Variants in TMEM59 observed in about 807,000 individuals in gnomAD.
The protein encoded by TMEM59 is transmembrane protein 59, also known as dendritic cell factor 1.
Under a neutral mutation model 42.2 loss-of-function variants are expected in TMEM59, and 44 were observed. The observed-to-expected ratio is 1.04, with a 90% confidence interval of 0.82 to 1.34. The LOEUF is 1.34. Among genes scored for constraint, TMEM59 ranks in the 40% most tolerant of loss-of-function variants. The pLI is 0.00. For synonymous variants in TMEM59, 148 were observed against 145.8 expected, an observed-to-expected ratio of 1.02 and a Z score of -0.11; for missense variants, 359 against 382.8, an observed-to-expected ratio of 0.94 and a Z score of 0.52.
In TMEM59 at chr1:54,032,101, G is replaced by A; in HGVS notation, c.*49C>T. ...GAAACCATTTTAAAAGCTCTATGAGGAGTGGAATTTTAGATGTCTATTACA... is the reference window on the plus strand; with the variant it reads ...GAAACCATTTTAAAAGCTCTATGAGAAGTGGAATTTTAGATGTCTATTACA... On this transcript the variant is annotated 3_prime_UTR_variant, in exon 8 of 8. Transcript: ENST00000234831. 1 of 1,527,186 alleles carries A rather than the reference G, an allele frequency of 6.5e-7. No homozygotes were observed. Among genetic ancestry groups the A allele is most frequent in the South Asian group, 1.3e-5 (1 of 78,428 alleles). The allele number at this position is 1,527,186 out of a possible 1,614,324, so 94.6% of individuals were successfully genotyped here.
chr1:54,053,429 A>AGCGGGGCCTCCTGACTTCTTCCCTTC (rs1657658573), upstream of TMEM59: 5 of 540,958 alleles, frequency 9.2e-6, no homozygotes, highest in African/African-American at 3.8e-5. Flanking sequence ...GTTAGCGCGA[A>AGCGGGGCCTCCTGACTTCTTCCCTTC]GCGGGGCCTC....
At position 54,030,467 on chromosome 1, in the gene TMEM59, T is replaced by G. The variant is rs1656731293; in HGVS notation, c.*1683A>C. 6.6e-6 allele frequency: 1 copy of G among 152,182 alleles called. No individual in the cohort carries two copies. The highest frequency in any genetic ancestry group is 2.4e-5 in the African/African-American group (1 of 41,442). The allele number at this position is 152,182 out of a possible 1,614,324, so 9.4% of individuals were successfully genotyped here. ...TATATAGTCCCCATGTTTGTTTGTA[T>G]TTTTTTGTACAGAGAGGGTCTTGCT... On this transcript the variant is annotated 3_prime_UTR_variant, in exon 8 of 8. Coordinates refer to ENST00000234831, the MANE Select transcript of TMEM59 (RefSeq NM_004872.5).
In TMEM59 at chr1:54,047,268, A is replaced by G. The variant is rs749669588; in HGVS notation, c.294T>C (p.Ser98=). The G allele has an allele frequency of 1.2e-6, 2 of 1,612,004 alleles. No individual in the cohort carries two copies. The highest frequency in any genetic ancestry group is 3.4e-5 in the Admixed American group (2 of 59,416). ...DLNRTKLECE[S]ACTEAYSQSD... is the part of the protein sequence containing the mutation. ...GATGTCGTTAGCATAGCATCTTACCAGATTCACATTCCAATTTAGTTCGAT... is the reference window on the plus strand; with the variant it reads ...GATGTCGTTAGCATAGCATCTTACCGGATTCACATTCCAATTTAGTTCGAT... The change falls in exon 2 of 8, where the codon TCT becomes TCC. Residue 98 remains serine, a splice_region_variant and synonymous_variant. Coordinates refer to ENST00000234831, the MANE Select transcript of TMEM59 (RefSeq NM_004872.5).
chr1:54,053,548 C>T, upstream of TMEM59: 1 of 238,432 alleles, frequency 4.2e-6, no homozygotes, highest in Non-Finnish European at 8.3e-6. Context: ...CCGCCCTCAG[C>T]GCGCCTTCCG....
rs1175248513 is a variant in TMEM59, at chr1:54,028,411, C to G, written c.*3739G>C. 1 of 152,240 alleles carries G rather than the reference C, an allele frequency of 6.6e-6. No homozygotes were observed. The highest frequency in any genetic ancestry group is 2.4e-5 in the African/African-American group (1 of 41,442). 9.4% of individuals were successfully genotyped at this position (152,240 alleles called of 1,614,324 possible). On this transcript the variant is annotated 3_prime_UTR_variant, in exon 8 of 8. Coordinates refer to ENST00000234831, the MANE Select transcript of TMEM59 (RefSeq NM_004872.5). Reference sequence around the variant, plus strand: ...CACATTGCTGTCCGAGTGAATCATTCCAACACTGTATGGCACTCTCTTGCT... The same window carrying G: ...CACATTGCTGTCCGAGTGAATCATTGCAACACTGTATGGCACTCTCTTGCT...
At position 54,043,430 on chromosome 1, in the gene TMEM59, T is replaced by A; in HGVS notation, c.486A>T (p.Ile162=). 6.3e-7 allele frequency: 1 copy of A among 1,584,336 alleles called. No individual in the cohort carries two copies. The highest frequency in any genetic ancestry group is 8.6e-7 in the Non-Finnish European group (1 of 1,165,742). The part of the protein sequence containing the change: ...SDMMDSAQSF[I]TSSWTFYLQA... ...GAAGATAAAAAGTCCATGAAGAGGTTATGAAGCTCTGTGCGGAGTCCATCA... is the reference window on the plus strand; with the variant it reads ...GAAGATAAAAAGTCCATGAAGAGGTAATGAAGCTCTGTGCGGAGTCCATCA... Residue 162 remains isoleucine, a synonymous_variant, in exon 4 of 8, where the codon ATA becomes ATT. Transcript: ENST00000234831.
chr1:54,053,073 T>C lies in TMEM59; in HGVS notation c.116A>G (p.Asp39Gly), dbSNP rs759755997. ...AGACGCCGTATCACCCAAGACCGAG[T>C]CAAATGCTTCAGCCGAAGCGGTCCC... is the stretch of plus-strand genomic sequence containing the variant. ...GSGTASAEAF[D>G]SVLGDTASCH... The change falls in exon 1 of 8, where the codon GAC (aspartate) becomes GGC (glycine). Residue 39 changes from aspartate (D) to glycine (G), a missense_variant. By Grantham distance (94) the Asp-to-Gly change is moderately conservative. Coordinates refer to ENST00000234831, the MANE Select transcript of TMEM59 (RefSeq NM_004872.5). The C allele has an allele frequency of 1.9e-6, 3 of 1,613,930 alleles. No individual in the cohort carries two copies. The highest frequency in any genetic ancestry group is 2.5e-6 in the Non-Finnish European group (3 of 1,179,988).
chr1:54,041,096 G>A (rs1018328260), intron 5 of TMEM59, among the ~76,000 whole-genome samples: 42 of 152,034 alleles, frequency 2.8e-4, no homozygotes, highest in African/African-American at 2.4e-5. Context: ...GCTTGGATTT[G>A]GTTTATTCTA....
chr1:54,032,924 CT>C (rs746149150), intron 7 of TMEM59, among the ~76,000 whole-genome samples: 401 of 138,002 alleles, frequency 2.9e-3, no homozygotes, highest in Middle Eastern at 3.7e-3. Context: ...GTCTCTGTCT[CT>C]TTTTTTTTTT....
In TMEM59 at chr1:54,029,532, T is replaced by A. The variant is rs925713273; in HGVS notation, c.*2618A>T. The A allele has an allele frequency of 4.6e-5, 7 of 152,182 alleles. No individual in the cohort carries two copies. Among genetic ancestry groups the A allele is most frequent in the Non-Finnish European group, 1.0e-4 (7 of 68,038 alleles). The allele number at this position is 152,182 out of a possible 1,614,324, so 9.4% of individuals were successfully genotyped here. ...TGTTTTATGGAAACAAGGAGCTAAG[T>A]AAAGTTAGGCACATCCAAGAAGGGC... On this transcript the variant is annotated 3_prime_UTR_variant, in exon 8 of 8. Coordinates refer to ENST00000234831, the MANE Select transcript of TMEM59 (RefSeq NM_004872.5).
chr1:54,046,012 C>A (rs916943072), intron 2 of TMEM59, among the ~76,000 whole-genome samples: 25 of 152,152 alleles, frequency 1.6e-4, no homozygotes, highest in Admixed American at 1.5e-3. Context: ...TAATTATACA[C>A]CCAGGCTCTG....
At chr1:54,043,351 A>G in intron 4 of TMEM59, 22 bp downstream of exon 4, 2 of 1,514,178 alleles carry the variant, frequency 1.3e-6, no homozygotes, top group African/African-American at 2.8e-5. Flanking sequence ...ATTTAGATGA[A>G]TCCATGAAGC....
In TMEM59 at chr1:54,027,770, CAA is replaced by C. The variant is rs113234374; in HGVS notation, c.*4378_*4379del. 3.8e-5 allele frequency: 5 copies of C among 129,926 alleles called. No homozygotes were observed. Among genetic ancestry groups the C allele is most frequent in the Non-Finnish European group, 5.1e-5 (3 of 58,942 alleles). The allele number at this position is 129,926 out of a possible 1,614,324, so 8.0% of individuals were successfully genotyped here. On this transcript the variant is annotated 3_prime_UTR_variant, in exon 8 of 8. Transcript: ENST00000234831. ...TGAGTAACAGTGTGAGACTCTGTCT[CAA>C]AAAAAAAAAAAGTGAAATATATGAA...
chr1:54,036,593 G>T lies in TMEM59; in HGVS notation c.816+17C>A. The T allele has an allele frequency of 3.8e-6, 6 of 1,562,812 alleles. No individual in the cohort carries two copies. On this transcript the variant is annotated intron_variant, in intron 7 of 7. Coordinates refer to ENST00000234831, the MANE Select transcript of TMEM59 (RefSeq NM_004872.5). ...TATCACAGGGCTCAGTCTTCAAATG[G>T]TAAGAATTAAATTTACCTCAGAGGG...
At chr1:54,047,508 A>C in intron 1 of TMEM59, 136 bp from the exon 2 acceptor site, 1 of 683,408 alleles carries the variant, frequency 1.5e-6, no homozygotes, top group Non-Finnish European at 2.5e-6. Flanking sequence ...AAAGAAAAAA[A>C]TGATAGGAGC....
chr1:54,038,425 T>C (rs1045470945), intron 6 of TMEM59, among the ~76,000 whole-genome samples: 2 of 152,204 alleles, frequency 1.3e-5, no homozygotes, highest in Admixed American at 1.3e-4. Flanking sequence ...TGTATAGCAA[T>C]CATTATTGTC....
At chr1:54,044,732 TA>T (rs1438577459) in intron 3 of TMEM59, 2 of 152,038 alleles carry the variant, frequency 1.3e-5, no homozygotes, top group African/African-American at 4.8e-5. Flanking sequence ...ATGTGCAAAA[TA>T]GGTATCATTT....
chr1:54,042,434 G>A (rs1197670446), intron 4 of TMEM59, among the ~76,000 whole-genome samples: 3 of 152,140 alleles, frequency 2.0e-5, no homozygotes, highest in South Asian at 2.1e-4. Context: ...CTTATGCCTT[G>A]AGGTAAGTAG....
chr1:54,037,948 T>C (rs1244221289), intron 6 of TMEM59, among the ~76,000 whole-genome samples: 1 of 152,158 alleles, frequency 6.6e-6, no homozygotes. Flanking sequence ...GCCAGAAAAC[T>C]GGGGCTCATC....
Sources: allele counts gnomAD v4.1 joint callset (sites outside exome capture counted in the v4.1 genomes callset), GRCh38; gene constraint gnomAD v4.1.1; transcripts MANE v1.5; gene names NCBI Gene and HGNC (gene_info 2026-07-23, HGNC 2026-07-21).